Variants in GRID2 observed in about 807,000 individuals in gnomAD.
The protein encoded by GRID2 is glutamate receptor ionotropic, delta-2.
Under a neutral mutation model 114.8 loss-of-function variants are expected in GRID2, and 33 were observed. The ratio of observed to expected loss-of-function variants is 0.29; its 90% CI spans 0.22 to 0.38. The LOEUF is 0.38. Among genes scored for constraint, GRID2 ranks in the 10% least tolerant of loss-of-function variants. The probability of loss-of-function intolerance (pLI) is 1.00; values close to 1 mark genes in which losing one functional copy is unlikely to be tolerated. For missense variants in GRID2, 1,184 were observed against 1,257.7 expected (o/e 0.94, Z 0.89); for synonymous variants, 505 against 449.9 (o/e 1.12, Z -1.55).
intron 1 of GRID2, among the ~76,000 whole-genome samples, chr4:92,487,634 C>A (rs1245021202): frequency 6.6e-6 from 1 of 152,038 alleles, no homozygotes; most frequent in Non-Finnish European, 1.5e-5. Context: ...TATGCTATAT[C>A]CCACTCCCCT....
intron 4 of GRID2, 67 bp from the exon 5 acceptor site, chr4:93,207,337 A>G: frequency 1.9e-6 from 2 of 1,034,216 alleles, no homozygotes; most frequent in Non-Finnish European, 3.1e-6. Context: ...TGCAAAGTAT[A>G]TTCATTTAGT....
At chr4:92,461,635 C>T (rs987507593) in intron 1 of GRID2, among the ~76,000 whole-genome samples, 1 of 151,892 alleles carries the variant, frequency 6.6e-6, no homozygotes, top group Non-Finnish European at 1.5e-5. Context: ...AAAACCTAAA[C>T]TTACCCTAAT....
intron 2 of GRID2, among the ~76,000 whole-genome samples, chr4:92,901,854 G>C (rs1747607963): frequency 1.3e-5 from 2 of 151,312 alleles, no homozygotes; most frequent in South Asian, 4.2e-4. Context: ...TCCTTGTCTT[G>C]CTTTGTATCA....
In GRID2 at chr4:92,831,669, C is replaced by T. The variant is rs530838808; in HGVS notation, c.244+241383C>T. ...TGGAATTTGTGAACAGCCTGGACAA[C>T]GTAAGGAGATGCTGTCTCTACAAAA... On this transcript the variant is annotated intron_variant, in intron 2 of 15. Coordinates refer to ENST00000282020, the MANE Select transcript of GRID2 (RefSeq NM_001510.4). Among the ~76,000 whole-genome samples, 11 of 151,808 alleles carry T rather than the reference C, an allele frequency of 7.2e-5. 1 individual carries two copies. In the South Asian group the frequency reaches 1.3e-3, roughly 17 times the overall value.
intron 2 of GRID2, among the ~76,000 whole-genome samples, chr4:92,668,547 G>C (rs907476685): frequency 6.6e-6 from 1 of 151,688 alleles, no homozygotes; most frequent in African/African-American, 2.4e-5. Context: ...GTGGAATCCT[G>C]CTGACAAACT....
intron 1 of GRID2, among the ~76,000 whole-genome samples, chr4:92,478,747 T>C (rs1025161147): frequency 6.6e-6 from 1 of 152,094 alleles, no homozygotes. Context: ...CCCTTTATGG[T>C]TTTCCATCTT....
At chr4:92,736,361 A>C (rs554450154) in intron 2 of GRID2, among the ~76,000 whole-genome samples, 8 of 152,226 alleles carry the variant, frequency 5.3e-5, no homozygotes, top group Non-Finnish European at 2.9e-5. Context: ...TAGCCACATG[A>C]AATGAATTTG....
chr4:93,734,240 T>C (rs1477141949), intron 14 of GRID2, among the ~76,000 whole-genome samples: 1 of 152,044 alleles, frequency 6.6e-6, no homozygotes, highest in Admixed American at 6.6e-5. Context: ...CCAGGAATAT[T>C]TTCCCCCCAT....
At chr4:92,711,416 T>C (rs1735242464) in intron 2 of GRID2, among the ~76,000 whole-genome samples, 1 of 152,156 alleles carries the variant, frequency 6.6e-6, no homozygotes, top group Non-Finnish European at 1.5e-5. Context: ...TCCATTTCTT[T>C]GTGAAAGTAG....
chr4:93,143,753 C>G (rs971748289), intron 4 of GRID2, among the ~76,000 whole-genome samples: 11 of 152,058 alleles, frequency 7.2e-5, no homozygotes, highest in Non-Finnish European at 1.5e-4. Context: ...TATGACCTAC[C>G]TTGACTGCTC....
intron 1 of GRID2, among the ~76,000 whole-genome samples, chr4:92,305,521 T>C (rs1225085648): frequency 6.6e-6 from 1 of 152,100 alleles, no homozygotes; most frequent in Admixed American, 6.5e-5. Context: ...GATATCCGCC[T>C]TGCCTCGCCT....
At chr4:93,709,939 T>C (rs1728340932) in intron 14 of GRID2, among the ~76,000 whole-genome samples, 1 of 152,204 alleles carries the variant, frequency 6.6e-6, no homozygotes, top group African/African-American at 2.4e-5. Flanking sequence ...ATCTCTTTGT[T>C]AAATTTATCT....
At chr4:93,755,429 C>T (rs1732661359) in intron 14 of GRID2, among the ~76,000 whole-genome samples, 1 of 152,160 alleles carries the variant, frequency 6.6e-6, no homozygotes, top group African/African-American at 2.4e-5. Flanking sequence ...CTTTGTATCA[C>T]ATTATGTAAT....
At chr4:93,420,921 T>C (rs1157084957) in intron 9 of GRID2, among the ~76,000 whole-genome samples, 3 of 151,944 alleles carry the variant, frequency 2.0e-5, no homozygotes, top group Non-Finnish European at 4.4e-5. Flanking sequence ...ACCCAGCTAC[T>C]TTTTTGTATT....
intron 14 of GRID2, among the ~76,000 whole-genome samples, chr4:93,671,991 A>G (rs547975653): frequency 1.3e-5 from 2 of 150,732 alleles, no homozygotes; most frequent in Admixed American, 1.3e-4. Context: ...TAATAATGAT[A>G]AAATAAAAAA....
intron 9 of GRID2, among the ~76,000 whole-genome samples, chr4:93,406,761 T>C (rs1450017742): frequency 6.6e-6 from 1 of 152,142 alleles, no homozygotes; most frequent in Non-Finnish European, 1.5e-5. Flanking sequence ...CACCTTGCTA[T>C]TTCTGTGTTT....
chr4:92,698,308 A>G (rs1181164394), intron 2 of GRID2, among the ~76,000 whole-genome samples: 1 of 152,164 alleles, frequency 6.6e-6, no homozygotes, highest in Non-Finnish European at 1.5e-5. Flanking sequence ...AAAGTCCACT[A>G]AAGCAGCTCT....
At chr4:93,304,835 G>A (rs983850664) in intron 8 of GRID2, among the ~76,000 whole-genome samples, 3 of 152,070 alleles carry the variant, frequency 2.0e-5, no homozygotes, top group South Asian at 2.1e-4. Flanking sequence ...AGGCCAAATC[G>A]TGTCCTTCTA....
intron 13 of GRID2, among the ~76,000 whole-genome samples, chr4:93,591,904 C>A (rs1278702509): frequency 1.3e-5 from 2 of 151,978 alleles, no homozygotes; most frequent in African/African-American, 4.8e-5. Context: ...GTGGTGATAT[C>A]CCCTTTATCA....
Sources: gnomAD v4.1 joint callset for allele counts (sites outside exome capture counted in the v4.1 genomes callset) on GRCh38, gnomAD v4.1.1 for gene constraint, MANE v1.5 for transcripts, NCBI Gene and HGNC (gene_info 2026-07-23, HGNC 2026-07-21) for gene names.